The following MYL11 variants were observed in gnomAD, a reference collection of about 807,000 sequenced individuals.
MYL11 encodes the protein myosin regulatory light chain 11.
the MYL11 span, chr16:30,376,736 C>G: frequency 8.2e-6 from 13 of 1,584,116 alleles, no homozygotes; most frequent in Middle Eastern, 1.9e-4. Flanking sequence ...ACCCTTCCCC[C>G]ACTCCACCAG....
At chr16:30,376,573 G>C in the MYL11 span, 11 of 1,613,850 alleles carry the variant, frequency 6.8e-6, no homozygotes, top group African/African-American at 1.3e-5. Context: ...CCTTTTCCCA[G>C]ACCCTTCAGG....
At chr16:30,375,422 A>G in the MYL11 span, among the ~76,000 whole-genome samples, 1 of 151,104 alleles carries the variant, frequency 6.6e-6, no homozygotes, top group East Asian at 1.9e-4. Context: ...CCGAGATCGC[A>G]GCACCGCACT....
the MYL11 span, among the ~76,000 whole-genome samples, chr16:30,373,969 A>G: frequency 6.6e-6 from 1 of 151,984 alleles, no homozygotes; most frequent in Non-Finnish European, 1.5e-5. Flanking sequence ...AGCACGTGGC[A>G]CACTGTGTGT....
the MYL11 span, chr16:30,374,715 TG>T: frequency 3.0e-6 from 3 of 1,015,252 alleles, no homozygotes; most frequent in Non-Finnish European, 4.1e-6. Context: ...GTATCTGGGG[TG>T]GGCACCCGCA....
chr16:30,375,713 G>T, the MYL11 span: 4 of 903,728 alleles, frequency 4.4e-6, no homozygotes, highest in African/African-American at 1.7e-5. Context: ...AGGCCAAAGG[G>T]CTGCTTTAGG....
At chr16:30,375,341 T>A in the MYL11 span, among the ~76,000 whole-genome samples, 3 of 151,820 alleles carry the variant, frequency 2.0e-5, no homozygotes. Flanking sequence ...GGTGCATGCC[T>A]GTAATCCCAG....
At chr16:30,374,971 C>T in the MYL11 span, 5 of 1,372,008 alleles carry the variant, frequency 3.6e-6, no homozygotes, top group Non-Finnish European at 4.0e-6. Context: ...AAAGGATGCT[C>T]ATCTCTTTCT....
At chr16:30,374,851 T>A in the MYL11 span, 6 of 1,613,524 alleles carry the variant, frequency 3.7e-6, no homozygotes, top group South Asian at 1.1e-5. Context: ...CCCCGGAGAC[T>A]GAAGACATGG....
chr16:30,377,327 G>A, the MYL11 span, among the ~76,000 whole-genome samples: 1 of 152,144 alleles, frequency 6.6e-6, no homozygotes, highest in African/African-American at 2.4e-5. Flanking sequence ...AGGTTGCAGT[G>A]AGCCGTGATC....
At chr16:30,376,670 G>A in the MYL11 span, 2 of 1,614,058 alleles carry the variant, frequency 1.2e-6, no homozygotes, top group Non-Finnish European at 8.5e-7. Flanking sequence ...CTTGGACCCT[G>A]AGGGAAAGGG....
the MYL11 span, among the ~76,000 whole-genome samples, chr16:30,373,513 T>A: frequency 6.6e-6 from 1 of 151,804 alleles, no homozygotes; most frequent in Non-Finnish European, 1.5e-5. Context: ...GGAGAATCAC[T>A]TGAACCCGGG....
the MYL11 span, among the ~76,000 whole-genome samples, chr16:30,373,561 A>C: frequency 2.0e-5 from 3 of 150,206 alleles, no homozygotes; most frequent in Non-Finnish European, 4.4e-5. Context: ...ACGCCACTGC[A>C]CTCCAGCCCG....
the MYL11 span, among the ~76,000 whole-genome samples, chr16:30,373,720 C>T: frequency 6.6e-6 from 1 of 151,226 alleles, no homozygotes; most frequent in Admixed American, 6.6e-5. Context: ...CGAGATCGCA[C>T]CATTGCACTC....
At chr16:30,376,771 T>C in the MYL11 span, 1 of 1,450,656 alleles carries the variant, frequency 6.9e-7, no homozygotes, top group Admixed American at 1.8e-5. Flanking sequence ...ACAGCCTCCT[T>C]AAATTTCTAC....
the MYL11 span, chr16:30,374,766 C>A: frequency 6.6e-7 from 1 of 1,520,580 alleles, no homozygotes; most frequent in Non-Finnish European, 8.9e-7. Context: ...CTCCCTGGGG[C>A]AGGACTATAT....
the MYL11 span, chr16:30,376,000 G>A: frequency 1.3e-6 from 2 of 1,522,376 alleles, no homozygotes; most frequent in Admixed American, 1.8e-5. Context: ...TTGAAGGAGG[G>A]GAAAGGTTTA....
the MYL11 span, among the ~76,000 whole-genome samples, chr16:30,371,293 C>G: frequency 3.3e-5 from 5 of 152,186 alleles, no homozygotes; most frequent in Non-Finnish European, 7.4e-5. Flanking sequence ...CGCGCTGCCC[C>G]CTCTCGAGTC....
chr16:30,374,843 C>G, the MYL11 span: 1 of 1,613,498 alleles, frequency 6.2e-7, no homozygotes, highest in Non-Finnish European at 8.5e-7. Context: ...GCCTTGCCCC[C>G]CGGAGACTGA....
the MYL11 span, chr16:30,375,788 A>G: frequency 1.3e-6 from 2 of 1,578,292 alleles, no homozygotes; most frequent in Non-Finnish European, 1.7e-6. Flanking sequence ...GGACTGGTCC[A>G]TGGGCCCCTT....
Sources: allele counts gnomAD v4.1 joint callset (sites outside exome capture counted in the v4.1 genomes callset), GRCh38; gene constraint gnomAD v4.1.1; transcripts MANE v1.5; gene names NCBI Gene and HGNC (gene_info 2026-07-23, HGNC 2026-07-21).